Variants in SLC25A29 observed in about 807,000 individuals in gnomAD.
The protein encoded by SLC25A29 is mitochondrial basic amino acids transporter.
A neutral mutation model predicts 10.0 loss-of-function variants in SLC25A29; 13 were observed. The ratio of observed to expected loss-of-function variants is 1.30; its 90% CI spans 0.85 to 2.07. SLC25A29 has a LOEUF of 2.07. SLC25A29 is among the 30% of genes most tolerant of loss of function. The probability of loss-of-function intolerance (pLI) is 0.00; values close to 1 mark genes in which losing one functional copy is unlikely to be tolerated. For missense variants in SLC25A29, 475 were observed against 447.6 expected, an observed-to-expected ratio of 1.06 and a Z score of -0.55; for synonymous variants, 244 against 221.1, an observed-to-expected ratio of 1.10 and a Z score of -0.92.
downstream of SLC25A29, among the ~76,000 whole-genome samples, chr14:100,287,279 AAC>A (rs767192792): frequency 1.3e-5 from 2 of 152,208 alleles, no homozygotes; most frequent in African/African-American, 4.8e-5. Flanking sequence ...AGATTGGAAA[AAC>A]AGTTTATCAG....
At chr14:100,293,444 G>C in intron 2 of SLC25A29, 67 bp from the exon 3 acceptor site, 4 of 1,470,498 alleles carry the variant, frequency 2.7e-6, no homozygotes, top group Non-Finnish European at 2.8e-6. Context: ...CGGGTCTGGT[G>C]CTTAGGCTGC....
intron 2 of SLC25A29, 73 bp from the exon 3 acceptor site, chr14:100,293,450 G>T: frequency 6.9e-7 from 1 of 1,441,774 alleles, no homozygotes; most frequent in Non-Finnish European, 9.6e-7. Flanking sequence ...TGGTGCTTAG[G>T]CTGCCTAGGA....
downstream of SLC25A29, among the ~76,000 whole-genome samples, chr14:100,286,471 G>GA: frequency 8.2e-5 from 1 of 12,204 alleles, no homozygotes; most frequent in African/African-American, 2.1e-4. Flanking sequence ...GAGCATGGCT[G>GA]GGGGGGGGGG....
chr14:100,285,555 T>C, the SLC25A29 span, among the ~76,000 whole-genome samples: 280 of 151,524 alleles, frequency 1.8e-3, 4 homozygotes, highest in African/African-American at 6.6e-3. Flanking sequence ...TCCCTGAGTG[T>C]GGGGTCCCCG....
chr14:100,284,789 C>T, the SLC25A29 span, among the ~76,000 whole-genome samples: 1 of 152,172 alleles, frequency 6.6e-6, no homozygotes, highest in African/African-American at 2.4e-5. Flanking sequence ...CCTGTAATCC[C>T]AGCACTTCTG....
rs988569349 is a variant in SLC25A29, at chr14:100,297,828, G to A, written c.78+1014C>T. 3.2e-4 allele frequency among the ~76,000 whole-genome samples: 49 copies of A among 152,236 alleles called. 1 individual carries two copies. The highest frequency in any genetic ancestry group is 9.4e-4 in the African/African-American group (39 of 41,464). ...AAATTATGCTGTTGAGCACTGGCAC[G>A]ATGACAACGTTTGAGCCCAAAGATA... On this transcript the variant is annotated intron_variant, in intron 2 of 3. Transcript: ENST00000359232.
intron 2 of SLC25A29, 179 bp downstream of exon 2, chr14:100,298,663 T>C: frequency 1.3e-6 from 1 of 769,738 alleles, no homozygotes; most frequent in Non-Finnish European, 2.2e-6. Flanking sequence ...ACCCAGCATG[T>C]GGATCAGCCC....
At chr14:100,302,020 C>T (rs993301431) in intron 1 of SLC25A29, among the ~76,000 whole-genome samples, 2 of 151,730 alleles carry the variant, frequency 1.3e-5, no homozygotes, top group African/African-American at 2.4e-5. Context: ...GGGGTCTCTA[C>T]TCATCAACTG....
chr14:100,299,307 T>A (rs1049071936), intron 1 of SLC25A29: 138 of 1,025,366 alleles, frequency 1.3e-4, no homozygotes, highest in Non-Finnish European at 1.5e-4. Context: ...AGATTTGAAT[T>A]TTCCCCCTGC....
chr14:100,293,126 C>A (rs1347797813), intron 3 of SLC25A29, 94 bp from the exon 4 acceptor site: 2 of 1,452,800 alleles, frequency 1.4e-6, no homozygotes, highest in Non-Finnish European at 1.8e-6. Context: ...CCAGCCCACC[C>A]CAGGGGCTCC....
rs370590997 is a variant in SLC25A29, at chr14:100,301,316, C to T, written c.35-2431G>A. Among the ~76,000 whole-genome samples, 9 of 152,064 alleles carry T rather than the reference C, an allele frequency of 5.9e-5. No individual in the cohort carries two copies. The South Asian group carries it at 1.9e-3, about 32-fold the overall frequency. ...GCCTCAGCAGGACTACAGGCCCACC[C>T]CACCACACCCAGCTAATTTTTGTAT... On this transcript the variant is annotated intron_variant, in intron 1 of 3. Transcript: ENST00000359232.
At chr14:100,301,001 GC>G (rs1249444900) in intron 1 of SLC25A29, among the ~76,000 whole-genome samples, 1 of 152,008 alleles carries the variant, frequency 6.6e-6, no homozygotes, top group African/African-American at 2.4e-5. Flanking sequence ...CCGGGTTCAT[GC>G]CATTCTCCTG....
At chr14:100,290,707 G>A (rs573701026), downstream of SLC25A29, among the ~76,000 whole-genome samples, 1 of 152,318 alleles carries the variant, frequency 6.6e-6, no homozygotes, top group South Asian at 2.1e-4. Flanking sequence ...TGACCTCCTA[G>A]TTTGGGTTAA....
chr14:100,285,024 CGA>C, the SLC25A29 span, among the ~76,000 whole-genome samples: 2 of 123,212 alleles, frequency 1.6e-5, no homozygotes, highest in East Asian at 4.6e-4. Context: ...GGCGACAGAG[CGA>C]GACTCCGTCT....
chr14:100,295,593 G>C (rs541066194), intron 2 of SLC25A29: 2 of 1,285,464 alleles, frequency 1.6e-6, no homozygotes, highest in African/African-American at 3.0e-5. Context: ...GTGGGGTCCA[G>C]GCTGGGATCT....
the SLC25A29 span, among the ~76,000 whole-genome samples, chr14:100,283,068 C>A: frequency 4.6e-5 from 7 of 152,242 alleles, no homozygotes; most frequent in Non-Finnish European, 1.0e-4. Context: ...GAAAGCACAG[C>A]CCAGTGAAAT....
the SLC25A29 span, among the ~76,000 whole-genome samples, chr14:100,285,650 GGAA>G: frequency 6.6e-6 from 1 of 152,118 alleles, no homozygotes; most frequent in African/African-American, 2.4e-5. Flanking sequence ...CGAGAAACGC[GGAA>G]GGAGGCTGCG....
Position 100,295,828 on chromosome 14 carries a change from C to G in SLC25A29, c.79-2451G>C. 3.1e-6 allele frequency: 4 copies of G among 1,289,722 alleles called. No individual in the cohort carries two copies. The South Asian group carries it at 4.9e-5, about 16-fold the overall frequency. 79.9% of individuals were successfully genotyped at this position (1,289,722 alleles called of 1,614,324 possible). On this transcript the variant is annotated intron_variant, in intron 2 of 3. Transcript: ENST00000359232. ...CAGGGATGGCCGGTCACCCCCTCAT[C>G]ATAGGTCAAGACAACTGCTCCCTGA...
At chr14:100,283,232 G>A in the SLC25A29 span, among the ~76,000 whole-genome samples, 1 of 152,238 alleles carries the variant, frequency 6.6e-6, no homozygotes, top group African/African-American at 2.4e-5. Context: ...TCTGGTTGGG[G>A]CCTTGGTGTC....
Sources: gnomAD v4.1 joint callset for allele counts (sites outside exome capture counted in the v4.1 genomes callset) on GRCh38, gnomAD v4.1.1 for gene constraint, MANE v1.5 for transcripts, NCBI Gene and HGNC (gene_info 2026-07-23, HGNC 2026-07-21) for gene names.